The following ADGRE1 variants were observed in gnomAD, a reference collection of about 807,000 sequenced individuals.
The protein encoded by ADGRE1 is EGF-like module receptor 1.
Under a neutral mutation model 102.7 loss-of-function variants are expected in ADGRE1, and 82 were observed. The ratio of observed to expected loss-of-function variants is 0.80; its 90% CI spans 0.67 to 0.96. The LOEUF is 0.96. ADGRE1 is among the 40% of genes least tolerant of loss of function. The pLI is 0.00. For missense variants in ADGRE1, 1,032 were observed against 1,085.3 expected (o/e 0.95, Z 0.69); for synonymous variants, 398 against 399.6 (o/e 1.00, Z 0.05).
intron 16 of ADGRE1, among the ~76,000 whole-genome samples, chr19:6,926,881 G>T (rs550584314): frequency 1.3e-5 from 2 of 152,146 alleles, no homozygotes; most frequent in East Asian, 3.9e-4. Flanking sequence ...TATGACATGG[G>T]GGGTGGTGGG....
rs369669710 is a variant in ADGRE1 at position 6,908,724 on chromosome 19, C to G, written c.1074C>G (p.Ser358Arg). ...SFCAQINNIF[S>R]VLDKVCENKT... ...GTGCACAAATAAATAACATCTTCAG[C>G]GTTCTGGACAAAGTGTGTGAAAATA... is the stretch of plus-strand genomic sequence containing the variant. Residue 358 changes from serine to arginine, a missense_variant, in exon 10 of 21, where the codon AGC becomes AGG. Coordinates refer to ENST00000312053, the MANE Select transcript of ADGRE1 (RefSeq NM_001974.5). 1.3e-6 allele frequency: 2 copies of G among 1,568,804 alleles called. No homozygotes were observed. Among genetic ancestry groups the G allele is most frequent in the Non-Finnish European group, 1.7e-6 (2 of 1,154,534 alleles).
chr19:6,924,551 G>C (rs1053568346), intron 14 of ADGRE1, 127 bp from the exon 15 acceptor site: 1 of 720,744 alleles, frequency 1.4e-6, no homozygotes, highest in Non-Finnish European at 2.3e-6. Flanking sequence ...AGTTCACTCT[G>C]AGTGTTAGAG....
chr19:6,936,725 C>T (rs867147369), intron 18 of ADGRE1, among the ~76,000 whole-genome samples: 18 of 151,534 alleles, frequency 1.2e-4, no homozygotes, highest in South Asian at 4.2e-4. Flanking sequence ...CAGGTTCAAG[C>T]GATTCTCCTG....
chr19:6,927,386 G>A (rs1004787895), intron 16 of ADGRE1, among the ~76,000 whole-genome samples: 1 of 150,284 alleles, frequency 6.7e-6, no homozygotes, highest in Non-Finnish European at 1.5e-5. Context: ...TCTATGCTAG[G>A]CTGTGCTCTG....
chr19:6,896,457 G>T lies in ADGRE1; in HGVS notation c.154G>T (p.Asp52Tyr), dbSNP rs777666775. 1 of 1,614,090 alleles carries T rather than the reference G, an allele frequency of 6.2e-7. No homozygotes were observed. Among genetic ancestry groups the T allele is most frequent in the Non-Finnish European group, 8.5e-7 (1 of 1,179,984 alleles). ...PAYATCTNTVDSYYCACKQGF... is the reference protein window; with the variant it reads ...PAYATCTNTVYSYYCACKQGF... ...TTATGCCACCTGCACCAATACAGTG[G>T]ACAGTTACTATTGCGCTTGCAAACA... is the stretch of plus-strand genomic sequence containing the variant. Residue 52 changes from aspartate (D) to tyrosine (Y), a missense_variant, in exon 3 of 21, where the codon GAC becomes TAC. Physicochemically the swap from Asp to Tyr is radical, Grantham distance 160. Transcript: ENST00000312053.
At chr19:6,913,558 TG>T in intron 10 of ADGRE1, 94 bp from the exon 11 acceptor site, 1 of 1,213,900 alleles carries the variant, frequency 8.2e-7, no homozygotes, top group Non-Finnish European at 1.1e-6. Flanking sequence ...CTCCTTTGGA[TG>T]GACTCCCAGC....
At chr19:6,902,790 G>T (rs777437187) in intron 6 of ADGRE1, among the ~76,000 whole-genome samples, 28 of 152,316 alleles carry the variant, frequency 1.8e-4, no homozygotes, top group Middle Eastern at 3.4e-3. Context: ...AGGCTGGAGT[G>T]CAGTGGCTTG....
intron 16 of ADGRE1, among the ~76,000 whole-genome samples, chr19:6,927,278 C>T (rs1476571286): frequency 1.1e-5 from 1 of 93,090 alleles, no homozygotes; most frequent in Non-Finnish European, 2.1e-5. Flanking sequence ...TCCTTGCCTT[C>T]CTTCCCTTCC....
At chr19:6,930,795 G>T (rs8110391) in intron 17 of ADGRE1, among the ~76,000 whole-genome samples, 30,527 of 151,622 alleles carry the variant, frequency 0.2, 3,269 homozygotes, top group Non-Finnish European at 0.23. Flanking sequence ...GCGCCACCAC[G>T]CCCAGCTAAT....
chr19:6,904,286 A>G, intron 8 of ADGRE1, 104 bp downstream of exon 8: 1 of 1,389,232 alleles, frequency 7.2e-7, no homozygotes, highest in Non-Finnish European at 9.7e-7. Flanking sequence ...GTGTTGCCTC[A>G]TCCACATATT....
chr19:6,939,540 C>G (rs951372506), intron 20 of ADGRE1, among the ~76,000 whole-genome samples: 7 of 152,264 alleles, frequency 4.6e-5, no homozygotes, highest in African/African-American at 1.7e-4. Flanking sequence ...TTCCATTCCA[C>G]CATCAACATG....
intron 6 of ADGRE1, among the ~76,000 whole-genome samples, chr19:6,902,888 C>T (rs988765274): frequency 1.3e-5 from 2 of 152,204 alleles, no homozygotes; most frequent in African/African-American, 4.8e-5. Flanking sequence ...AGGTGTGTGC[C>T]ACCATGCCCA....
At chr19:6,922,337 C>T (rs141751728) in intron 14 of ADGRE1, among the ~76,000 whole-genome samples, 76 of 152,046 alleles carry the variant, frequency 5.0e-4, no homozygotes, top group South Asian at 1.5e-3. Flanking sequence ...AGGTGTTGGC[C>T]GGGTGTGGTG....
chr19:6,903,670 A>C, intron 6 of ADGRE1, 140 bp from the exon 7 acceptor site: 1 of 1,081,658 alleles, frequency 9.2e-7, no homozygotes, highest in Non-Finnish European at 1.3e-6. Flanking sequence ...CCTCACCTAG[A>C]TGCAGAGGGT....
At chr19:6,892,767 T>C (rs1197068956) in intron 2 of ADGRE1, among the ~76,000 whole-genome samples, 2 of 152,198 alleles carry the variant, frequency 1.3e-5, no homozygotes, top group African/African-American at 4.8e-5. Context: ...ACACAACGGA[T>C]TGCTATTCGG....
chr19:6,903,849 C>T lies in ADGRE1; in HGVS notation c.701C>T (p.Thr234Ile). 1 of 1,614,232 alleles carries T rather than the reference C, an allele frequency of 6.2e-7. No homozygotes were observed. The highest frequency in any genetic ancestry group is 8.5e-7 in the Non-Finnish European group (1 of 1,180,044). ...ACTGAAATGTGCCCCATCAATTCAA[C>T]ATGCACCAACACTCCTGGGAGCTAC... ...ECTEMCPINSTCTNTPGSYFC... is the reference protein window; with the variant it reads ...ECTEMCPINSICTNTPGSYFC... Residue 234 changes from threonine to isoleucine, a missense_variant, in exon 7 of 21, where the codon ACA (threonine) becomes ATA (isoleucine). Transcript: ENST00000312053.
chr19:6,929,783 A>G (rs1286591342), intron 17 of ADGRE1, among the ~76,000 whole-genome samples: 1 of 152,098 alleles, frequency 6.6e-6, no homozygotes, highest in Admixed American at 6.6e-5. Context: ...GGCCTCCCCA[A>G]GTGCTGGGAT....
chr19:6,914,593 G>C (rs1974310839), intron 11 of ADGRE1, among the ~76,000 whole-genome samples: 1 of 152,172 alleles, frequency 6.6e-6, no homozygotes, highest in Admixed American at 6.5e-5. Flanking sequence ...TGGATGCCCA[G>C]ACGGCCAAGA....
chr19:6,897,073 T>TTG (rs1973581826), intron 3 of ADGRE1, 76 bp from the exon 4 acceptor site: 2 of 576,786 alleles, frequency 3.5e-6, no homozygotes, highest in African/African-American at 4.1e-5. Flanking sequence ...TGTTTTAACT[T>TTG]TTTTTTTTTT....
Sources: allele counts gnomAD v4.1 joint callset (sites outside exome capture counted in the v4.1 genomes callset), GRCh38; gene constraint gnomAD v4.1.1; transcripts MANE v1.5; gene names NCBI Gene and HGNC (gene_info 2026-07-23, HGNC 2026-07-21).